ATAD2: variants seen among roughly 807,000 people sequenced by gnomAD.
ATAD2 encodes the protein ATPase family AAA domain containing 2.
A neutral mutation model predicts 168.9 loss-of-function variants in ATAD2; 62 were observed. That is an observed-to-expected ratio of 0.37 (90% CI 0.30 to 0.45). The LOEUF (loss-of-function observed/expected upper bound fraction) is 0.45, where lower values mean the gene tolerates loss of function less well. Among genes scored for constraint, ATAD2 ranks in the 20% least tolerant of loss-of-function variants. The pLI is 1.00. For missense variants in ATAD2, 1,419 were observed against 1,667.8 expected (o/e 0.85, Z 2.60); for synonymous variants, 613 against 571.6 (o/e 1.07, Z -1.03).
chr8:123,357,473 C>G, intron 12 of ATAD2, 89 bp downstream of exon 12: 2 of 1,227,296 alleles, frequency 1.6e-6, no homozygotes, highest in Non-Finnish European at 2.2e-6. Flanking sequence ...TTATTTAGAA[C>G]ACTGATTAAA....
chr8:123,366,720 G>A (rs751466479), intron 8 of ATAD2, among the ~76,000 whole-genome samples: 5 of 152,178 alleles, frequency 3.3e-5, no homozygotes, highest in Admixed American at 1.3e-4. Context: ...ACAATGAACT[G>A]TGGGAACTCA....
At chr8:123,404,565 CTTTT>C (rs573902645) in intron 1 of ATAD2, among the ~76,000 whole-genome samples, 2 of 142,892 alleles carry the variant, frequency 1.4e-5, no homozygotes, top group Admixed American at 1.4e-4. Flanking sequence ...CTTTCTCTCT[CTTTT>C]TTTTTTTTTT....
upstream of ATAD2, chr8:123,401,033 A>T (rs1216114550): frequency 1.9e-6 from 3 of 1,568,688 alleles, no homozygotes; most frequent in South Asian, 3.3e-5. Flanking sequence ...ATGGGCAGCA[A>T]GCCGGTGGGC....
chr8:123,391,727 G>A (rs1334682997), intron 1 of ATAD2, among the ~76,000 whole-genome samples: 2 of 152,112 alleles, frequency 1.3e-5, no homozygotes, highest in Admixed American at 1.3e-4. Context: ...CCAACCAAAT[G>A]TATTGAATGT....
At chr8:123,372,803 C>A (rs936100067) in intron 2 of ATAD2, 117 bp from the exon 3 acceptor site, 23 of 783,902 alleles carry the variant, frequency 2.9e-5, no homozygotes, top group Non-Finnish European at 1.9e-6. Context: ...TCATGACTCA[C>A]TACAGCCTCA....
intron 6 of ATAD2, among the ~76,000 whole-genome samples, chr8:123,370,232 A>G (rs746978289): frequency 3.3e-5 from 5 of 152,040 alleles, no homozygotes; most frequent in African/African-American, 1.2e-4. Flanking sequence ...AAAAAACTGC[A>G]GAAAAACACA....
chr8:123,336,359 T>G lies in ATAD2; in HGVS notation c.3211+14A>C. 1 of 1,566,150 alleles carries G rather than the reference T, an allele frequency of 6.4e-7. No individual in the cohort carries two copies. The highest frequency in any genetic ancestry group is 8.6e-7 in the Non-Finnish European group (1 of 1,165,596). On this transcript the variant is annotated intron_variant, in intron 22 of 27. Coordinates refer to ENST00000287394, the MANE Select transcript of ATAD2 (RefSeq NM_014109.4). ...CCAACTCAACCCCCTGAAAAAAAAT[T>G]CACTAATGCTCACCTCCAGGATCTC... is the stretch of plus-strand genomic sequence containing the variant.
chr8:123,395,982 G>A (rs945909710), intron 1 of ATAD2, among the ~76,000 whole-genome samples: 1 of 152,196 alleles, frequency 6.6e-6, no homozygotes, highest in Admixed American at 6.5e-5. Context: ...CAAATGCTTA[G>A]TCCTCTCCCG....
At position 123,396,390 on chromosome 8, in the gene ATAD2, C is replaced by CGGAGAGAGATCCAGCTCCA; in HGVS notation, c.-52_-34dup. On this transcript the variant is annotated 5_prime_UTR_variant, in exon 1 of 28. Coordinates refer to ENST00000287394, the MANE Select transcript of ATAD2 (RefSeq NM_014109.4). ...CCCTACTGGCCTCGGCGTGCGCGAC[C>CGGAGAGAGATCCAGCTCCA]GGAGAGAGATCCAGCTCCAGGCGCT... The CGGAGAGAGATCCAGCTCCA allele has an allele frequency of 6.5e-7, 1 of 1,530,046 alleles. No individual in the cohort carries two copies. The highest frequency in any genetic ancestry group is 8.8e-7 in the Non-Finnish European group (1 of 1,140,046). 94.8% of individuals were successfully genotyped at this position (1,530,046 alleles called of 1,614,324 possible).
At chr8:123,343,185 A>G (rs924663903) in intron 19 of ATAD2, among the ~76,000 whole-genome samples, 2 of 152,074 alleles carry the variant, frequency 1.3e-5, no homozygotes, top group Non-Finnish European at 1.5e-5. Flanking sequence ...CATGTTGGCC[A>G]GGCTGGTCTT....
chr8:123,375,120 A>G (rs1242178781), intron 2 of ATAD2, among the ~76,000 whole-genome samples: 2 of 152,218 alleles, frequency 1.3e-5, no homozygotes, highest in Admixed American at 6.5e-5. Flanking sequence ...GAAATACTGT[A>G]GGCTCTTTTA....
chr8:123,375,555 G>C (rs1181145084), intron 2 of ATAD2, among the ~76,000 whole-genome samples: 1 of 152,208 alleles, frequency 6.6e-6, no homozygotes, highest in East Asian at 1.9e-4. Flanking sequence ...ACATAAAAAT[G>C]TGTATACCTA....
intron 1 of ATAD2, among the ~76,000 whole-genome samples, chr8:123,413,563 G>GT: frequency 6.6e-6 from 1 of 152,104 alleles, no homozygotes; most frequent in Non-Finnish European, 1.5e-5. Context: ...ACTCAGGGTA[G>GT]TAAGTAGCCA....
chr8:123,404,247 T>G (rs985496523), intron 1 of ATAD2, among the ~76,000 whole-genome samples: 1 of 152,150 alleles, frequency 6.6e-6, no homozygotes, highest in Non-Finnish European at 1.5e-5. Flanking sequence ...TCCAGAGTTA[T>G]CTATATCAGG....
upstream of ATAD2, among the ~76,000 whole-genome samples, chr8:123,400,177 T>TA (rs1165837225): frequency 1.3e-5 from 2 of 151,244 alleles, no homozygotes; most frequent in Non-Finnish European, 2.9e-5. The surrounding 1 kb of genome is among the most constrained non-coding windows in gnomAD (Gnocchi z 4.5). Context: ...AATAAATAAA[T>TA]AAAAAAGAAA....
intron 1 of ATAD2, among the ~76,000 whole-genome samples, chr8:123,403,158 T>G (rs546649269): frequency 6.6e-6 from 1 of 152,062 alleles, no homozygotes; most frequent in South Asian, 2.1e-4. Flanking sequence ...GGTGGGATTT[T>G]AGCTCACTGC....
At chr8:123,351,748 G>GGT (rs1554644030) in intron 13 of ATAD2, among the ~76,000 whole-genome samples, 7 of 134,676 alleles carry the variant, frequency 5.2e-5, no homozygotes, top group African/African-American at 1.7e-4. Context: ...AAAAACTGAT[G>GGT]TTTTTTTTTT....
chr8:123,369,705 T>C, intron 7 of ATAD2, 116 bp downstream of exon 7: 1 of 859,732 alleles, frequency 1.2e-6, no homozygotes, highest in Non-Finnish European at 1.8e-6. Flanking sequence ...CAGTAATGAG[T>C]ATTCAACAAA....
rs1272906197 is a variant in ATAD2 at position 123,320,129 on chromosome 8, C to T, written c.*1005G>A. On this transcript the variant is annotated 3_prime_UTR_variant, in exon 28 of 28. Transcript: ENST00000287394. ...AATCAACAACAAAAATACAGCTCAA[C>T]TTTGAACTGCATTAAAATCCAGAAT... is the stretch of plus-strand genomic sequence containing the variant. 1 of 152,074 alleles carries T rather than the reference C, an allele frequency of 6.6e-6. No homozygotes were observed. The highest frequency in any genetic ancestry group is 1.5e-5 in the Non-Finnish European group (1 of 67,990). The allele number at this position is 152,074 out of a possible 1,614,324, so 9.4% of individuals were successfully genotyped here.
Sources: allele counts gnomAD v4.1 joint callset (sites outside exome capture counted in the v4.1 genomes callset), GRCh38; gene constraint gnomAD v4.1.1; non-coding constraint Gnocchi (gnomAD v3.1); transcripts MANE v1.5; gene names NCBI Gene and HGNC (gene_info 2026-07-23, HGNC 2026-07-21).